The following WDFY3 variants were observed in gnomAD, a reference collection of about 807,000 sequenced individuals.
The protein encoded by WDFY3 is WD repeat and FYVE domain containing 3.
In WDFY3, 66 loss-of-function variants were observed where a neutral mutation model predicts 409.6. That is an observed-to-expected ratio of 0.16 (90% CI 0.13 to 0.20). The LOEUF (loss-of-function observed/expected upper bound fraction) is 0.20. WDFY3 is among the 10% of genes least tolerant of loss of function. The pLI is 1.00. For synonymous variants in WDFY3, 1,521 were observed against 1,537.1 expected (o/e 0.99, Z 0.25); for missense variants, 3,031 against 4,298.1 (o/e 0.71, Z 8.24).
intron 5 of WDFY3, among the ~76,000 whole-genome samples, chr4:84,842,819 A>G (rs904164842): frequency 2.6e-5 from 4 of 152,238 alleles, no homozygotes; most frequent in African/African-American, 9.6e-5. Flanking sequence ...TATACTTAAC[A>G]CACTTCATAA....
chr4:84,841,075 A>C, intron 6 of WDFY3, 79 bp downstream of exon 6: 1 of 1,119,982 alleles, frequency 8.9e-7, no homozygotes, highest in Non-Finnish European at 1.3e-6. Flanking sequence ...GGATATAATG[A>C]TGAATTTAAT....
intron 41 of WDFY3, among the ~76,000 whole-genome samples, chr4:84,736,738 T>C (rs1737501707): frequency 6.6e-6 from 1 of 152,328 alleles, no homozygotes; most frequent in South Asian, 2.1e-4. Flanking sequence ...TAATAAGCTA[T>C]AATTTAATAC....
chr4:84,705,486 G>A lies in WDFY3; in HGVS notation c.8243C>T (p.Thr2748Met), dbSNP rs200599654. The stretch of plus-strand genomic sequence containing the variant: ...CATTGGCTTAGCCAGGTTTCTAAAC[G>A]TCTTGGGATTAGTAAGATCCACCTC... ...SEEVDLTNPKTFRNLAKPMGA... is the reference protein window; with the variant it reads ...SEEVDLTNPKMFRNLAKPMGA... The change falls in exon 54 of 68, where the codon ACG (threonine) becomes ATG (methionine). Residue 2748 changes from threonine to methionine, a missense_variant. By Grantham distance (81) the Thr-to-Met change is moderately conservative. Coordinates refer to ENST00000295888, the MANE Select transcript of WDFY3 (RefSeq NM_014991.6). 1.4e-5 allele frequency: 22 copies of A among 1,613,876 alleles called. No individual in the cohort carries two copies. Among genetic ancestry groups the A allele is most frequent in the African/African-American group, 2.7e-5 (2 of 75,020 alleles).
At chr4:84,711,569 C>T (rs894961882) in intron 51 of WDFY3, among the ~76,000 whole-genome samples, 10 of 151,958 alleles carry the variant, frequency 6.6e-5, no homozygotes, top group African/African-American at 2.2e-4. Flanking sequence ...AATTAATATA[C>T]AGGCCAGGCG....
At chr4:84,901,739 G>C (rs2150623808) in intron 2 of WDFY3, among the ~76,000 whole-genome samples, 1 of 152,236 alleles carries the variant, frequency 6.6e-6, no homozygotes, top group Non-Finnish European at 1.5e-5. Context: ...GATTTTTCCA[G>C]GGAAGATGAG....
intron 8 of WDFY3, among the ~76,000 whole-genome samples, chr4:84,829,846 T>TAAATAAATA (rs1755433549): frequency 6.6e-6 from 1 of 150,386 alleles, no homozygotes; most frequent in African/African-American, 2.4e-5. Flanking sequence ...AATAAATAAA[T>TAAATAAATA]AAATTAGAGA....
At chr4:84,934,068 T>C (rs1179675928) in intron 1 of WDFY3, among the ~76,000 whole-genome samples, 1 of 152,044 alleles carries the variant, frequency 6.6e-6, no homozygotes, top group Admixed American at 6.6e-5. Context: ...CACATGGCAG[T>C]TCTATTTTCA....
rs751928941 is a variant in WDFY3 at position 84,794,995 on chromosome 4, CA to C, written c.3168-17del. 1 of 1,517,468 alleles carries C rather than the reference CA, an allele frequency of 6.6e-7. No individual in the cohort carries two copies. Among genetic ancestry groups the C allele is most frequent in the Non-Finnish European group, 8.8e-7 (1 of 1,136,748 alleles). 94.0% of individuals were successfully genotyped at this position (1,517,468 alleles called of 1,614,324 possible). A position where few individuals can be genotyped will look rare whatever the true frequency, so the allele number is the denominator to read the frequency against. ...AAAAAGACATCTATTAAAGAAAAGACAACATACATATTAGAGATCAATGACT... is the reference window on the plus strand; with the variant it reads ...AAAAAGACATCTATTAAAGAAAAGACACATACATATTAGAGATCAATGACT... On this transcript the variant is annotated splice_polypyrimidine_tract_variant and intron_variant, in intron 19 of 67. Transcript: ENST00000295888.
chr4:84,767,697 A>T (rs1258320057), intron 30 of WDFY3, among the ~76,000 whole-genome samples: 1 of 152,206 alleles, frequency 6.6e-6, no homozygotes, highest in Non-Finnish European at 1.5e-5. Flanking sequence ...AGACTAAATC[A>T]TCTACAACAT....
chr4:84,934,334 G>A (rs968425522), intron 1 of WDFY3, among the ~76,000 whole-genome samples: 7 of 152,108 alleles, frequency 4.6e-5, no homozygotes, highest in Non-Finnish European at 1.0e-4. Context: ...TTTGAGAAAT[G>A]TCTATTCTGA....
In WDFY3 at chr4:84,783,069, G is replaced by A. The variant is rs1478701111; in HGVS notation, c.4068C>T (p.Gly1356=). The A allele has an allele frequency of 1.2e-6, 2 of 1,612,658 alleles. No homozygotes were observed. The highest frequency in any genetic ancestry group is 1.7e-6 in the Non-Finnish European group (2 of 1,179,344). ...LDSKAIAKQL[G]ISSHENATPV... is the part of the protein sequence containing the mutation. ...GAGTGGCATTCTCATGTGAGGAAAT[G>A]CCTAACTGAAAAATAGGAAAGGAAA... is the stretch of plus-strand genomic sequence containing the variant. Residue 1356 remains glycine, a synonymous_variant, in exon 25 of 68, where the codon GGC becomes GGT. Coordinates refer to ENST00000295888, the MANE Select transcript of WDFY3 (RefSeq NM_014991.6).
chr4:84,950,300 A>C (rs1394242184), intron 1 of WDFY3, among the ~76,000 whole-genome samples: 2 of 151,294 alleles, frequency 1.3e-5, no homozygotes, highest in African/African-American at 4.9e-5. Context: ...CTAATGCATG[A>C]GGGGTTTAAA....
At chr4:84,770,412 T>C (rs1744471312) in intron 30 of WDFY3, among the ~76,000 whole-genome samples, 1 of 152,182 alleles carries the variant, frequency 6.6e-6, no homozygotes. Flanking sequence ...TTTACAGCAC[T>C]GGGAAACCAA....
intron 42 of WDFY3, among the ~76,000 whole-genome samples, 170 bp downstream of exon 42, chr4:84,736,000 T>G (rs1478296597): frequency 6.6e-6 from 1 of 152,182 alleles, no homozygotes; most frequent in Non-Finnish European, 1.5e-5. Context: ...AGCACTCATA[T>G]ATAGTTTTAT....
chr4:84,763,851 G>A (rs1341179810), intron 32 of WDFY3, among the ~76,000 whole-genome samples: 2 of 152,164 alleles, frequency 1.3e-5, no homozygotes, highest in Non-Finnish European at 2.9e-5. Context: ...AATCAGGTAG[G>A]TCAGACACAG....
chr4:84,751,786 AAAATAAAACTG>A, intron 35 of WDFY3, 70 bp from the exon 36 acceptor site: 1 of 1,535,304 alleles, frequency 6.5e-7, no homozygotes, highest in Non-Finnish European at 9.0e-7. Flanking sequence ...GTGTTTCCTA[AAAATAAAACTG>A]GAGCAGCAGC....
In WDFY3 at chr4:84,721,424, T is replaced by C. The variant is rs1007086402; in HGVS notation, c.7590A>G (p.Leu2530=). ...AGCACAATACCTTTTCTCCTTCCTC[T>C]AACAGGCGCAGTAAGGTAGCATTAT... The part of the protein sequence containing the change: ...KTDNATLLRL[L]EEGEKIQHMY... Residue 2530 remains leucine, a synonymous_variant, in exon 47 of 68, where the codon TTA becomes TTG. Transcript: ENST00000295888. 1 of 1,613,708 alleles carries C rather than the reference T, an allele frequency of 6.2e-7. No individual in the cohort carries two copies. Among genetic ancestry groups the C allele is most frequent in the Non-Finnish European group, 8.5e-7 (1 of 1,180,010 alleles).
At chr4:84,744,852 CAAAA>C (rs1165273561) in intron 36 of WDFY3, among the ~76,000 whole-genome samples, 154 of 15,686 alleles carry the variant, frequency 9.8e-3, no homozygotes, top group Non-Finnish European at 0.012. Context: ...GACTCCGTCT[CAAAA>C]AAAAAAAAAA....
intron 32 of WDFY3, among the ~76,000 whole-genome samples, chr4:84,764,320 A>T (rs1743231881): frequency 6.6e-6 from 1 of 152,174 alleles, no homozygotes; most frequent in Admixed American, 6.5e-5. Flanking sequence ...TACTACCAAA[A>T]TGTTCAAAAT....
Sources: allele counts gnomAD v4.1 joint callset (sites outside exome capture counted in the v4.1 genomes callset), GRCh38; gene constraint gnomAD v4.1.1; transcripts MANE v1.5; gene names NCBI Gene and HGNC (gene_info 2026-07-23, HGNC 2026-07-21).